Variants in KBTBD2 observed in about 807,000 individuals in gnomAD.
KBTBD2 encodes the protein kelch repeat and BTB domain containing 2.
KBTBD2 carries 17 observed loss-of-function variants against 57.1 expected under a neutral mutation model. That is an observed-to-expected ratio of 0.30 (90% CI 0.20 to 0.45). KBTBD2 has a LOEUF of 0.45. KBTBD2 is among the 20% of genes least tolerant of loss of function. KBTBD2 has a pLI of 1.00. For missense variants in KBTBD2, 515 were observed against 750.6 expected (o/e 0.69, Z 3.67); for synonymous variants, 267 against 262.7 (o/e 1.02, Z -0.16).
intron 1 of KBTBD2, among the ~76,000 whole-genome samples, chr7:32,882,027 T>C (rs993753750): frequency 6.6e-6 from 1 of 152,118 alleles, no homozygotes; most frequent in African/African-American, 2.4e-5. Context: ...ATAAAGACTA[T>C]ATATAGCCTC....
chr7:32,873,350 G>T (rs994735733), intron 3 of KBTBD2, among the ~76,000 whole-genome samples: 1 of 101,812 alleles, frequency 9.8e-6, no homozygotes, highest in African/African-American at 4.1e-5. Context: ...GTGAAAAATA[G>T]TACCATGAAA....
chr7:32,882,033 G>A (rs1275542625), intron 1 of KBTBD2, among the ~76,000 whole-genome samples: 1 of 151,846 alleles, frequency 6.6e-6, no homozygotes, highest in African/African-American at 2.4e-5. Context: ...ACTATATATA[G>A]CCTCACGTTA....
Position 32,869,258 on chromosome 7 carries a change from C to T in KBTBD2, c.*87G>A. 1.1e-6 allele frequency: 1 copy of T among 896,272 alleles called. No homozygotes were observed. Among genetic ancestry groups the T allele is most frequent in the Non-Finnish European group, 1.7e-6 (1 of 584,572 alleles). The allele number at this position is 896,272 out of a possible 1,614,324, so 55.5% of individuals were successfully genotyped here. A position where few individuals can be genotyped will look rare whatever the true frequency, so the allele number is the denominator to read the frequency against. On this transcript the variant is annotated 3_prime_UTR_variant, in exon 4 of 4. Transcript: ENST00000304056. ...TATCAAAGATAGAATTTTATGTACT[C>T]ATATTTAGTTCTTTCATAGCCTCTT...
intron 1 of KBTBD2, among the ~76,000 whole-genome samples, chr7:32,881,766 C>G (rs1784449227): frequency 6.6e-6 from 1 of 152,160 alleles, no homozygotes; most frequent in African/African-American, 2.4e-5. Context: ...AATAATGCAG[C>G]AAGGCATAGT....
intron 3 of KBTBD2, among the ~76,000 whole-genome samples, chr7:32,871,338 T>C (rs1444363470): frequency 1.3e-5 from 2 of 152,182 alleles, no homozygotes; most frequent in African/African-American, 2.4e-5. Context: ...TCATGCACAA[T>C]GAGTAAGAGT....
intron 1 of KBTBD2, among the ~76,000 whole-genome samples, chr7:32,887,927 C>T (rs1583793536): frequency 2.2e-5 from 1 of 44,894 alleles, no homozygotes; most frequent in Non-Finnish European, 4.4e-5. Flanking sequence ...TGGTTCAGTA[C>T]CTGACACACA....
chr7:32,880,123 G>A (rs1302123537), intron 1 of KBTBD2, among the ~76,000 whole-genome samples, 181 bp from the exon 2 acceptor site: 3 of 151,870 alleles, frequency 2.0e-5, no homozygotes, highest in Admixed American at 1.3e-4. Flanking sequence ...TAAAAAACAA[G>A]AAAATTACCA....
Position 32,870,552 on chromosome 7 carries a change from A to G in KBTBD2, c.665T>C (p.Ile222Thr), listed in dbSNP as rs1384230733. 1.9e-6 allele frequency: 3 copies of G among 1,614,044 alleles called. No individual in the cohort carries two copies. Among genetic ancestry groups the G allele is most frequent in the Non-Finnish European group, 2.5e-6 (3 of 1,180,036 alleles). ...CTGTGTTACTTCTGAAAGTGCATCAATTCTGATTTGGCTAAGAACAGAAGA... is the reference window on the plus strand; with the variant it reads ...CTGTGTTACTTCTGAAAGTGCATCAGTTCTGATTTGGCTAAGAACAGAAGA... Reference protein sequence around the residue: ...YLSSVLSQIRIDALSEVTQRA... With the variant: ...YLSSVLSQIRTDALSEVTQRA... The change falls in exon 4 of 4, where the codon ATT (isoleucine) becomes ACT (threonine). Residue 222 changes from isoleucine to threonine, a missense_variant. By Grantham distance (89) the Ile-to-Thr change is moderately conservative. Transcript: ENST00000304056.
rs1459695449 is a variant in KBTBD2, at chr7:32,870,184, T to G, written c.1033A>C (p.Arg345=). The G allele has an allele frequency of 2.5e-6, 4 of 1,614,092 alleles. No homozygotes were observed. Among genetic ancestry groups the G allele is most frequent in the Non-Finnish European group, 3.4e-6 (4 of 1,180,038 alleles). Reference sequence around the variant, plus strand: ...AACCAATAAAAGCAATTCACAGTTCTGAAGGCAGTCTGAAGTTTGCTTGTT... The same window carrying G: ...AACCAATAAAAGCAATTCACAGTTCGGAAGGCAGTCTGAAGTTTGCTTGTT... ...SKTSKLQTAF[R]TVNCFYWFDA... is the part of the protein sequence containing the mutation. Residue 345 remains arginine, a synonymous_variant, in exon 4 of 4, where the codon AGA becomes CGA. Transcript: ENST00000304056.
chr7:32,872,115 A>C (rs1360157463), intron 3 of KBTBD2, among the ~76,000 whole-genome samples: 1 of 152,138 alleles, frequency 6.6e-6, no homozygotes, highest in Non-Finnish European at 1.5e-5. Context: ...GAGGAGGATT[A>C]CTTGAGCCCA....
At position 32,869,733 on chromosome 7, in the gene KBTBD2, G is replaced by A. The variant is rs577029026; in HGVS notation, c.1484C>T (p.Ser495Phe). ...ATCATAAATTTCCACAGTTACTGAA[G>A]ACCCATCTACAGTGCCAGAGGGGAG... ...IRLPSGTVDG[S>F]SVTVEIYDVN... Residue 495 changes from serine (S) to phenylalanine (F), a missense_variant, in exon 4 of 4, where the codon TCT (serine) becomes TTT (phenylalanine). Ser to Phe is a radical substitution (Grantham distance 155). Transcript: ENST00000304056. 5 of 1,614,032 alleles carry A rather than the reference G, an allele frequency of 3.1e-6. No homozygotes were observed. Among genetic ancestry groups the A allele is most frequent in the South Asian group, 1.1e-5 (1 of 91,066 alleles).
chr7:32,873,384 CAAAAA>C (rs544661966), intron 3 of KBTBD2, among the ~76,000 whole-genome samples: 3 of 107,794 alleles, frequency 2.8e-5, no homozygotes, highest in Non-Finnish European at 3.7e-5. Context: ...AAGCTCTAAG[CAAAAA>C]AAAAAAAAAA....
At chr7:32,881,125 T>C (rs1784436356) in intron 1 of KBTBD2, among the ~76,000 whole-genome samples, 1 of 150,206 alleles carries the variant, frequency 6.7e-6, no homozygotes, top group African/African-American at 2.5e-5. Flanking sequence ...AGAAATTAGA[T>C]ATGATAAAGA....
Position 32,869,767 on chromosome 7 carries a change from C to T in KBTBD2, c.1450G>A (p.Gly484Ser), listed in dbSNP as rs374069159. Reference sequence around the variant, plus strand: ...ACAGTGCCAGAGGGGAGTCTTATGCCGGAATTGGTAGCAATATGCAACCCT... The same window carrying T: ...ACAGTGCCAGAGGGGAGTCTTATGCTGGAATTGGTAGCAATATGCAACCCT... ...IGGLHIATNS[G>S]IRLPSGTVDG... is the part of the protein sequence containing the mutation. The change falls in exon 4 of 4, where the codon GGC (glycine) becomes AGC (serine). Residue 484 changes from glycine (G) to serine (S), a missense_variant. Physicochemically the swap from Gly to Ser is moderately conservative, Grantham distance 56. Transcript: ENST00000304056. 31 of 1,613,842 alleles carry T rather than the reference C, an allele frequency of 1.9e-5. No homozygotes were observed. The highest frequency in any genetic ancestry group is 2.7e-5 in the African/African-American group (2 of 74,886).
intron 1 of KBTBD2, among the ~76,000 whole-genome samples, chr7:32,882,205 T>C (rs1297076160): frequency 1.3e-5 from 2 of 152,128 alleles, no homozygotes; most frequent in South Asian, 2.1e-4. Context: ...TACAGAAATA[T>C]ATGCATTAAT....
rs148321464 is a variant in KBTBD2 at position 32,870,107 on chromosome 7, G to A, written c.1110C>T (p.Arg370=). 14 of 1,614,188 alleles carry A rather than the reference G, an allele frequency of 8.7e-6. No homozygotes were observed. Among genetic ancestry groups the A allele is most frequent in the Non-Finnish European group, 1.1e-5 (13 of 1,180,028 alleles). Residue 370 remains arginine, a synonymous_variant, in exon 4 of 4, where the codon CGC becomes CGT. Transcript: ENST00000304056. Reference sequence around the variant, plus strand: ...CACAGCAAACCAAAGATGGCTTTATGCGGACAAAAAGCATTGGGGTCTTTG... The same window carrying A: ...CACAGCAAACCAAAGATGGCTTTATACGGACAAAAAGCATTGGGGTCTTTG... ...WFPKTPMLFV[R]IKPSLVCCEG... is the part of the protein sequence containing the mutation.
intron 3 of KBTBD2, chr7:32,874,725 G>GGCTC (rs1178106318): frequency 3.6e-6 from 1 of 280,456 alleles, no homozygotes; most frequent in Non-Finnish European, 6.7e-6. Context: ...TGGACACAGT[G>GGCTC]GCTCACGCGT....
chr7:32,890,582 T>C (rs1161327799), intron 1 of KBTBD2, among the ~76,000 whole-genome samples: 4 of 152,186 alleles, frequency 2.6e-5, no homozygotes, highest in Non-Finnish European at 5.9e-5. Context: ...TTGATAGGGT[T>C]TCGTTTCTCA....
intron 3 of KBTBD2, among the ~76,000 whole-genome samples, chr7:32,874,346 G>GACTCCA (rs1784255887): frequency 6.6e-6 from 1 of 151,974 alleles, no homozygotes; most frequent in Non-Finnish European, 1.5e-5. Context: ...TTGCATCTGA[G>GACTCCA]CTGAGATCGC....
Sources: allele counts gnomAD v4.1 joint callset (sites outside exome capture counted in the v4.1 genomes callset), GRCh38; gene constraint gnomAD v4.1.1; transcripts MANE v1.5; gene names NCBI Gene and HGNC (gene_info 2026-07-23, HGNC 2026-07-21).